Variants in RELB observed in about 807,000 individuals in gnomAD.
RELB encodes RELB proto-oncogene, NF-kB subunit, also known as transcription factor RelB.
In RELB, 14 loss-of-function variants were observed where a neutral mutation model predicts 55.4. The observed-to-expected ratio is 0.25, with a 90% confidence interval of 0.17 to 0.40. The LOEUF (loss-of-function observed/expected upper bound fraction) is 0.40. Ranked by LOEUF, RELB falls within the 10% of genes least tolerant of loss-of-function variation. The pLI is 1.00. For missense variants in RELB, 669 were observed against 830.7 expected, an observed-to-expected ratio of 0.81 and a Z score of 2.39; for synonymous variants, 409 against 371.3, an observed-to-expected ratio of 1.10 and a Z score of -1.17.
chr19:45,021,940 C>A, intron 4 of RELB, 113 bp from the exon 5 acceptor site: 1 of 1,089,962 alleles, frequency 9.2e-7, no homozygotes, highest in South Asian at 1.7e-5. Context: ...GAGCTCCCAA[C>A]AGAGGACCCT....
intron 9 of RELB, among the ~76,000 whole-genome samples, chr19:45,034,043 C>T (rs928646410): frequency 2.0e-5 from 3 of 151,856 alleles, no homozygotes; most frequent in African/African-American, 7.3e-5. Context: ...CCTGTAATCC[C>T]TCCTACTTGG....
intron 1 of RELB, among the ~76,000 whole-genome samples, chr19:45,002,121 C>A (rs1971219545): frequency 6.3e-5 from 1 of 15,832 alleles, no homozygotes; most frequent in African/African-American, 2.6e-4. Flanking sequence ...GGGGCCTGGC[C>A]GTGAGGGCAG....
At position 45,037,593 on chromosome 19, in the gene RELB, G is replaced by C. The variant is rs539238124; in HGVS notation, c.1543G>C (p.Val515Leu). The C allele has an allele frequency of 4.0e-5, 64 of 1,610,362 alleles. No individual in the cohort carries two copies. The highest frequency in any genetic ancestry group is 2.5e-4 in the Admixed American group (15 of 59,464). Residue 515 changes from valine to leucine, a missense_variant, in exon 12 of 12, where the codon GTT becomes CTT. This residue lies in a region of RELB where 341 missense variants were observed against 436.8 expected (regional missense o/e 0.78). Transcript: ENST00000221452. ...LPPAPPHASA[V>L]VCSGGAGAVV... ...CCCGGCACCGCCACACGCTAGCGCT[G>C]TTGTGTGCAGCGGAGGTGCCGGGGC...
Position 45,037,671 on chromosome 19 carries a change from G to T in RELB, c.1621G>T (p.Ala541Ser), listed in dbSNP as rs1380657447. 6 of 1,569,484 alleles carry T rather than the reference G, an allele frequency of 3.8e-6. No individual in the cohort carries two copies. In the Admixed American group the frequency reaches 7.7e-5, roughly 20 times the overall value. Residue 541 changes from alanine (A) to serine (S), a missense_variant, in exon 12 of 12, where the codon GCC becomes TCC. Coordinates refer to ENST00000221452, the MANE Select transcript of RELB (RefSeq NM_006509.4). The stretch of plus-strand genomic sequence containing the variant: ...ACCACTGACACTGGACTCGTACCAG[G>T]CCCCGGGCCCCGGGGATGGAGGCAC... ...PEPLTLDSYQAPGPGDGGTAS... is the reference protein window; with the variant it reads ...PEPLTLDSYQSPGPGDGGTAS...
chr19:45,032,182 G>T (rs1317458331), intron 8 of RELB, among the ~76,000 whole-genome samples: 1 of 151,962 alleles, frequency 6.6e-6, no homozygotes. Flanking sequence ...GTTGCAGTGA[G>T]CCGAGATCAT....
At chr19:45,034,846 T>C (rs796372071) in intron 11 of RELB, among the ~76,000 whole-genome samples, 16 of 151,650 alleles carry the variant, frequency 1.1e-4, no homozygotes, top group African/African-American at 3.9e-4. Flanking sequence ...TTCTTTCTTT[T>C]TTTTTTTTTT....
intron 2 of RELB, among the ~76,000 whole-genome samples, chr19:45,009,476 C>T (rs1276356459): frequency 1.3e-5 from 2 of 152,198 alleles, no homozygotes; most frequent in Non-Finnish European, 2.9e-5. Context: ...GAAATTTGGG[C>T]ATCCACTTTT....
Position 45,022,075 on chromosome 19 carries a change from G to T in RELB, c.527G>T (p.Arg176Leu), listed in dbSNP as rs763399382. 6.2e-7 allele frequency: 1 copy of T among 1,612,260 alleles called. No individual in the cohort carries two copies. Among genetic ancestry groups the T allele is most frequent in the Admixed American group, 1.7e-5 (1 of 59,848 alleles). Residue 176 changes from arginine to leucine, a missense_variant, in exon 5 of 12, where the codon CGG becomes CTG. By Grantham distance (102) the Arg-to-Leu change is moderately radical. This residue lies in a region of RELB where 323 missense variants were observed against 368.5 expected (regional missense o/e 0.88). Coordinates refer to ENST00000221452, the MANE Select transcript of RELB (RefSeq NM_006509.4). ...AIELRDCGGL[R>L]EVEVTACLVW... Reference sequence around the variant, plus strand: ...CAGCTCCGGGATTGTGGAGGGCTGCGGGAGGTGGAGGTGACTGCCTGCCTG... The same window carrying T: ...CAGCTCCGGGATTGTGGAGGGCTGCTGGAGGTGGAGGTGACTGCCTGCCTG...
intron 2 of RELB, among the ~76,000 whole-genome samples, chr19:45,007,370 C>T (rs1025506890): frequency 6.6e-6 from 1 of 152,134 alleles, no homozygotes. Flanking sequence ...GAAGATGTCG[C>T]GTGGTCAGAA....
At chr19:45,011,550 G>A (rs1971351353) in intron 3 of RELB, among the ~76,000 whole-genome samples, 1 of 151,954 alleles carries the variant, frequency 6.6e-6, no homozygotes, top group African/African-American at 2.4e-5. Context: ...TCCGCCTCCT[G>A]GGTTCAAGCT....
chr19:45,025,207 C>G, intron 5 of RELB, 122 bp from the exon 6 acceptor site: 1 of 696,962 alleles, frequency 1.4e-6, no homozygotes, highest in African/African-American at 1.8e-5. Flanking sequence ...GACCCCTGGG[C>G]CTGGGATGTC....
At chr19:45,021,270 G>A (rs958931329) in intron 4 of RELB, among the ~76,000 whole-genome samples, 1 of 151,846 alleles carries the variant, frequency 6.6e-6, no homozygotes, top group African/African-American at 2.4e-5. Context: ...TCAGGAGATC[G>A]AGACCATCCT....
chr19:45,028,093 C>T (rs1261487656), intron 7 of RELB, among the ~76,000 whole-genome samples: 1 of 151,986 alleles, frequency 6.6e-6, no homozygotes, highest in African/African-American at 2.4e-5. Context: ...CCATGTTACC[C>T]AGGCTGGTCC....
intron 5 of RELB, among the ~76,000 whole-genome samples, chr19:45,022,606 G>A (rs1008652322): frequency 1.3e-5 from 2 of 149,848 alleles, no homozygotes; most frequent in African/African-American, 2.5e-5. Flanking sequence ...GGAGTGCAAT[G>A]GTTCGATCTC....
chr19:45,004,231 T>TAAACCATGTGCA, intron 2 of RELB, among the ~76,000 whole-genome samples: 1 of 147,196 alleles, frequency 6.8e-6, no homozygotes, highest in Non-Finnish European at 1.5e-5. Context: ...CAGTGGTTCT[T>TAAACCATGTGCA]TTTTTTTTGA....
intron 4 of RELB, 48 bp from the exon 5 acceptor site, chr19:45,022,005 C>T (rs745670345): frequency 1.2e-5 from 18 of 1,549,220 alleles, no homozygotes; most frequent in African/African-American, 1.1e-4. Flanking sequence ...TTTGGATGGA[C>T]GCAGGCATCG....
chr19:45,014,182 T>G (rs939282305), intron 4 of RELB, among the ~76,000 whole-genome samples: 2 of 151,152 alleles, frequency 1.3e-5, no homozygotes, highest in Non-Finnish European at 2.9e-5. Flanking sequence ...TTTTTTTTTT[T>G]TTTTGGAGAC....
chr19:45,037,788 T>C lies in RELB; in HGVS notation c.1738T>C (p.Ter580GlnextTer55). Reference sequence around the variant, plus strand: ...CCTATCCCCGGGGCCTGAAGCCACGTAGCCCCGCGATGCCAGAGGAGGGGC... The same window carrying C: ...CCTATCCCCGGGGCCTGAAGCCACGCAGCCCCGCGATGCCAGAGGAGGGGC... ...GLLSPGPEAT* is the reference protein window; with the variant it reads ...GLLSPGPEATQ Residue 580 changes from the stop codon to glutamine, a stop_lost, in exon 12 of 12, where the codon TAG becomes CAG. Transcript: ENST00000221452. 1 of 1,481,416 alleles carries C rather than the reference T, an allele frequency of 6.8e-7. No homozygotes were observed. Among genetic ancestry groups the C allele is most frequent in the Non-Finnish European group, 8.9e-7 (1 of 1,119,378 alleles). The allele number at this position is 1,481,416 out of a possible 1,614,324, so 91.8% of individuals were successfully genotyped here. A position where few individuals can be genotyped will look rare whatever the true frequency, so the allele number is the denominator to read the frequency against.
chr19:45,017,085 A>G (rs963449778), intron 4 of RELB, among the ~76,000 whole-genome samples: 11 of 152,100 alleles, frequency 7.2e-5, no homozygotes, highest in African/African-American at 2.7e-4. Flanking sequence ...GCCACCCCCC[A>G]AATCCCATTT....
Sources: gnomAD v4.1 joint callset for allele counts (sites outside exome capture counted in the v4.1 genomes callset) on GRCh38, gnomAD v4.1.1 for gene constraint, gnomAD v4.1.1 regional missense constraint, MANE v1.5 for transcripts, NCBI Gene and HGNC (gene_info 2026-07-23, HGNC 2026-07-21) for gene names.